Variants in KAT2B observed in about 807,000 individuals in gnomAD.
KAT2B encodes histone acetyltransferase KAT2B.
In KAT2B, 36 loss-of-function variants were observed where a neutral mutation model predicts 105.9. The observed-to-expected ratio is 0.34, with a 90% CI of 0.26 to 0.45. The LOEUF is 0.45. Ranked by LOEUF, KAT2B falls within the 20% of genes least tolerant of loss-of-function variation. KAT2B has a pLI of 1.00. For missense variants in KAT2B, 820 were observed against 1,021.6 expected (o/e 0.80, Z 2.69); for synonymous variants, 397 against 377.9 (o/e 1.05, Z -0.59).
rs115014362 is a variant in KAT2B at position 20,140,412 on chromosome 3, C to T, written c.2004+48C>T. On this transcript the variant is annotated intron_variant, in intron 13 of 17. Coordinates refer to ENST00000263754, the MANE Select transcript of KAT2B (RefSeq NM_003884.5). ...TACCTTCTGTACAGGCCAGTCTTAG[C>T]TGGGGTGGGTTGCATTTCCTTGGGT... 35,011 of 1,597,338 alleles carry T rather than the reference C, an allele frequency of 0.022. 479 individuals are homozygous for T. The highest frequency in any genetic ancestry group is 0.025 in the Non-Finnish European group (29,434 of 1,169,558).
intron 13 of KAT2B, among the ~76,000 whole-genome samples, chr3:20,144,276 CTTTTTTTTT>C (rs761735374): frequency 1.7e-4 from 15 of 89,408 alleles, no homozygotes; most frequent in South Asian, 3.2e-4. Context: ...CCTTGGGATT[CTTTTTTTTT>C]TTTTTTTTTT....
In KAT2B at chr3:20,127,436, C is replaced by G. The variant is rs1699426109; in HGVS notation, c.1636C>G (p.Leu546Val). The G allele has an allele frequency of 2.5e-6, 4 of 1,613,022 alleles. No individual in the cohort carries two copies. In the East Asian group the frequency reaches 8.9e-5, roughly 36 times the overall value. The change falls in exon 11 of 18, where the codon CTT (leucine) becomes GTT (valine). Residue 546 changes from leucine to valine, a missense_variant. Leu to Val is a conservative substitution (Grantham distance 32). Around this residue, in one of 6 missense-constraint regions of KAT2B, gnomAD observed 225 missense variants for 268.1 expected, o/e 0.84. Coordinates refer to ENST00000263754, the MANE Select transcript of KAT2B (RefSeq NM_003884.5). ...TTATTCTTTCAGGAAACACAAAACC[C>G]TTGCTTTAATTAAAGATGGCCGTGT... is the stretch of plus-strand genomic sequence containing the variant. Reference protein sequence around the residue: ...RLVFDPKHKTLALIKDGRVIG... With the variant: ...RLVFDPKHKTVALIKDGRVIG...
chr3:20,078,497 C>T (rs531990812), intron 2 of KAT2B, among the ~76,000 whole-genome samples: 3 of 151,884 alleles, frequency 2.0e-5, no homozygotes, highest in South Asian at 2.1e-4. Flanking sequence ...TTCAGCCTCT[C>T]GAGTAGCTGG....
At chr3:20,101,887 A>G (rs193167923) in intron 5 of KAT2B, among the ~76,000 whole-genome samples, 3 of 152,380 alleles carry the variant, frequency 2.0e-5, no homozygotes, top group Admixed American at 6.5e-5. Flanking sequence ...CAGTGTGGCT[A>G]CTAGAAAATT....
chr3:20,129,628 G>A (rs1002182578), intron 11 of KAT2B, among the ~76,000 whole-genome samples: 3 of 152,004 alleles, frequency 2.0e-5, no homozygotes, highest in Non-Finnish European at 4.4e-5. Flanking sequence ...TGCCCTCCCT[G>A]GTCTCCCCAA....
At chr3:20,057,681 C>T (rs546843624) in intron 1 of KAT2B, among the ~76,000 whole-genome samples, 6 of 152,136 alleles carry the variant, frequency 3.9e-5, no homozygotes, top group Admixed American at 2.6e-4. Flanking sequence ...GTTTCTAGGC[C>T]CCAGTGTCAC....
chr3:20,053,404 A>G (rs1426895731), intron 1 of KAT2B, among the ~76,000 whole-genome samples: 1 of 152,186 alleles, frequency 6.6e-6, no homozygotes, highest in Non-Finnish European at 1.5e-5. Flanking sequence ...GCATGGTGGC[A>G]CATGTCTGTA....
chr3:20,061,989 A>ATATT (rs1248635159), intron 1 of KAT2B, among the ~76,000 whole-genome samples: 3 of 57,554 alleles, frequency 5.2e-5, no homozygotes, highest in Non-Finnish European at 8.7e-5. Flanking sequence ...TAAAACATAT[A>ATATT]ATATATAAAA....
intron 1 of KAT2B, among the ~76,000 whole-genome samples, chr3:20,041,043 C>CG (rs541282096): frequency 1.3e-5 from 2 of 152,272 alleles, no homozygotes; most frequent in South Asian, 4.1e-4. Context: ...CTTCGGCATC[C>CG]GAGCTCCCGG....
intron 9 of KAT2B, among the ~76,000 whole-genome samples, chr3:20,123,947 G>T (rs1487006384): frequency 6.6e-6 from 1 of 152,100 alleles, no homozygotes; most frequent in Admixed American, 6.5e-5. Context: ...AGACATTTCT[G>T]ACAGCTTCCA....
At chr3:20,081,904 TAGAG>T (rs1157999157) in intron 2 of KAT2B, among the ~76,000 whole-genome samples, 3 of 144,492 alleles carry the variant, frequency 2.1e-5, no homozygotes, top group Non-Finnish European at 4.6e-5. Flanking sequence ...TAAATGTATA[TAGAG>T]AGTCTCATAT....
intron 12 of KAT2B, among the ~76,000 whole-genome samples, chr3:20,137,985 G>C (rs1470134334): frequency 6.6e-6 from 1 of 152,156 alleles, no homozygotes; most frequent in Non-Finnish European, 1.5e-5. Context: ...CTTTAAATAA[G>C]TCTTAAAATA....
chr3:20,076,429 A>G (rs1698420223), intron 2 of KAT2B, among the ~76,000 whole-genome samples: 1 of 152,082 alleles, frequency 6.6e-6, no homozygotes, highest in African/African-American at 2.4e-5. Context: ...TGGTCTTGGA[A>G]TTATTGTTGG....
intron 13 of KAT2B, among the ~76,000 whole-genome samples, chr3:20,142,970 T>A (rs1402161970): frequency 6.8e-6 from 1 of 147,556 alleles, no homozygotes; most frequent in African/African-American, 2.4e-5. Context: ...GATAAGTTCT[T>A]AAATCTTAAT....
chr3:20,062,833 A>G (rs935490770), intron 1 of KAT2B, among the ~76,000 whole-genome samples: 2 of 151,982 alleles, frequency 1.3e-5, no homozygotes, highest in Non-Finnish European at 2.9e-5. Context: ...TTTTCTTTGG[A>G]GAAGTGTCTG....
intron 1 of KAT2B, among the ~76,000 whole-genome samples, chr3:20,050,433 G>T (rs1032131238): frequency 6.6e-6 from 1 of 152,020 alleles, no homozygotes; most frequent in Non-Finnish European, 1.5e-5. Flanking sequence ...GGGTTCTCTT[G>T]TGCCTCCTCC....
intron 13 of KAT2B, among the ~76,000 whole-genome samples, chr3:20,145,659 T>A (rs567144664): frequency 1.0e-4 from 15 of 147,796 alleles, no homozygotes; most frequent in Non-Finnish European, 2.2e-4. Flanking sequence ...ACAAAACATC[T>A]CTCAAAATTT....
intron 9 of KAT2B, among the ~76,000 whole-genome samples, chr3:20,123,623 G>T (rs891017160): frequency 1.3e-5 from 2 of 152,162 alleles, no homozygotes; most frequent in African/African-American, 4.8e-5. Context: ...ATAGCCAGAT[G>T]ATGTCAGTTA....
intron 2 of KAT2B, among the ~76,000 whole-genome samples, chr3:20,077,068 A>T (rs1354359293): frequency 6.6e-6 from 1 of 152,196 alleles, no homozygotes; most frequent in Admixed American, 6.5e-5. Flanking sequence ...CTTTCATCCC[A>T]GACATCTTTG....
Sources: gnomAD v4.1 joint callset for allele counts (sites outside exome capture counted in the v4.1 genomes callset) on GRCh38, gnomAD v4.1.1 for gene constraint, gnomAD v4.1.1 regional missense constraint, MANE v1.5 for transcripts, NCBI Gene and HGNC (gene_info 2026-07-23, HGNC 2026-07-21) for gene names.